DCDC1: variants seen among roughly 807,000 people sequenced by gnomAD.
DCDC1 encodes doublecortin domain-containing protein 1.
DCDC1 carries 200 observed loss-of-function variants against 178.3 expected under a neutral mutation model. The ratio of observed to expected loss-of-function variants is 1.12; its 90% confidence interval spans 1.00 to 1.26. The LOEUF (loss-of-function observed/expected upper bound fraction) is 1.26. DCDC1 is among the 50% of genes most tolerant of loss of function. The pLI is 0.00. For missense variants in DCDC1, 1,983 were observed against 1,749.2 expected (o/e 1.13, Z -2.38); for synonymous variants, 690 against 604.8 (o/e 1.14, Z -2.07).
chr11:31,111,647 A>T (rs1959177520), intron 11 of DCDC1, among the ~76,000 whole-genome samples: 1 of 152,172 alleles, frequency 6.6e-6, no homozygotes, highest in South Asian at 2.1e-4. Flanking sequence ...ACCTATGGAA[A>T]ATAATGTGGG....
In DCDC1 at chr11:31,290,724, C is replaced by A; in HGVS notation, c.883G>T (p.Val295Phe). 6 of 1,613,522 alleles carry A rather than the reference C, an allele frequency of 3.7e-6. No homozygotes were observed. The highest frequency in any genetic ancestry group is 5.1e-6 in the Non-Finnish European group (6 of 1,179,584). Reference sequence around the variant, plus strand: ...CCATTCTTAAAGAACAGAATTCGGACTGAGGTCCTCTCAGTAAGTTTCTTC... The same window carrying A: ...CCATTCTTAAAGAACAGAATTCGGAATGAGGTCCTCTCAGTAAGTTTCTTC... ...RMKKLTERTS[V>F]RILFFKNGMG... Residue 295 changes from valine (V) to phenylalanine (F), a missense_variant, in exon 7 of 39, where the codon GTC becomes TTC. Transcript: ENST00000684477.
At chr11:31,354,227 A>C (rs534938529) in intron 1 of DCDC1, among the ~76,000 whole-genome samples, 1 of 152,306 alleles carries the variant, frequency 6.6e-6, no homozygotes, top group Admixed American at 6.5e-5. Context: ...CGGAGGTTGC[A>C]GTGAGCCGAG....
intron 12 of DCDC1, 37 bp downstream of exon 12, chr11:31,110,223 A>T (rs757690998): frequency 7.4e-6 from 5 of 672,176 alleles, no homozygotes; most frequent in Non-Finnish European, 1.4e-5. Context: ...AACTTGCAAG[A>T]CACTTAAAGT....
At chr11:31,071,037 G>A (rs776448960) in intron 18 of DCDC1, among the ~76,000 whole-genome samples, 9 of 151,998 alleles carry the variant, frequency 5.9e-5, no homozygotes, top group Non-Finnish European at 5.9e-5. Context: ...AGTAAAAACC[G>A]AAGAAAATAA....
At chr11:30,869,767 A>C (rs1941359841) in intron 38 of DCDC1, among the ~76,000 whole-genome samples, 1 of 152,172 alleles carries the variant, frequency 6.6e-6, no homozygotes, top group South Asian at 2.1e-4. Flanking sequence ...CTGTGAACAA[A>C]GGGCTGAGAA....
chr11:31,002,940 G>A (rs1286190875), intron 20 of DCDC1, among the ~76,000 whole-genome samples: 1 of 151,972 alleles, frequency 6.6e-6, no homozygotes, highest in Admixed American at 6.6e-5. Context: ...CATTCAAAAG[G>A]CCATTAAGCT....
At chr11:31,019,536 A>G (rs952810334) in intron 20 of DCDC1, among the ~76,000 whole-genome samples, 1 of 152,214 alleles carries the variant, frequency 6.6e-6, no homozygotes, top group Admixed American at 6.5e-5. Flanking sequence ...GTTGCCAGCA[A>G]TGGCAAAAAT....
chr11:31,206,451 T>C (rs540729316), intron 9 of DCDC1, among the ~76,000 whole-genome samples: 2 of 152,354 alleles, frequency 1.3e-5, no homozygotes, highest in African/African-American at 2.4e-5. Context: ...TCTCGCACTG[T>C]TGCCCAGGCT....
intron 20 of DCDC1, among the ~76,000 whole-genome samples, chr11:31,002,121 C>T (rs1175835877): frequency 1.3e-5 from 2 of 152,126 alleles, no homozygotes; most frequent in Non-Finnish European, 2.9e-5. Flanking sequence ...TAGAATGTTA[C>T]TTTTAGAAGC....
At chr11:31,281,232 C>A in intron 7 of DCDC1, among the ~76,000 whole-genome samples, 1 of 151,934 alleles carries the variant, frequency 6.6e-6, no homozygotes, top group Non-Finnish European at 1.5e-5. Flanking sequence ...AATTTATACC[C>A]TTTTTACTAC....
At chr11:31,363,976 A>C (rs1171106012) in intron 1 of DCDC1, among the ~76,000 whole-genome samples, 3 of 152,128 alleles carry the variant, frequency 2.0e-5, no homozygotes, top group Non-Finnish European at 1.5e-5. Flanking sequence ...GGCTAGTGAT[A>C]GTTAGTAAAA....
intron 3 of DCDC1, among the ~76,000 whole-genome samples, chr11:31,326,596 C>T (rs1370422895): frequency 6.6e-6 from 1 of 152,056 alleles, no homozygotes; most frequent in African/African-American, 2.4e-5. Context: ...ATATAACACA[C>T]AGGGTATTCA....
intron 9 of DCDC1, among the ~76,000 whole-genome samples, chr11:31,169,953 T>G (rs1967000622): frequency 6.6e-6 from 1 of 152,150 alleles, no homozygotes; most frequent in African/African-American, 2.4e-5. Flanking sequence ...AGAAGGAAAA[T>G]GTGGGATGCA....
chr11:30,899,222 C>T (rs1279153158), intron 34 of DCDC1, among the ~76,000 whole-genome samples: 3 of 151,882 alleles, frequency 2.0e-5, no homozygotes, highest in Non-Finnish European at 2.9e-5. Context: ...GCCCACAAAA[C>T]GTCTGTTGAG....
At chr11:31,327,244 C>G (rs1437800190) in intron 3 of DCDC1, among the ~76,000 whole-genome samples, 2 of 152,160 alleles carry the variant, frequency 1.3e-5, no homozygotes, top group Non-Finnish European at 1.5e-5. Context: ...TCTTGGCTCA[C>G]CGCAACCTCC....
At chr11:31,166,547 T>TC (rs1299652075) in intron 9 of DCDC1, among the ~76,000 whole-genome samples, 1 of 152,114 alleles carries the variant, frequency 6.6e-6, no homozygotes, top group Non-Finnish European at 1.5e-5. Flanking sequence ...TGAAACAGCC[T>TC]CGCTATAGGA....
chr11:30,906,940 A>T (rs1945106233), intron 29 of DCDC1, among the ~76,000 whole-genome samples: 1 of 152,170 alleles, frequency 6.6e-6, no homozygotes, highest in Non-Finnish European at 1.5e-5. Context: ...TTCGACACCA[A>T]TGAATATAAA....
intron 20 of DCDC1, among the ~76,000 whole-genome samples, chr11:31,058,349 C>T (rs1022850020): frequency 6.6e-6 from 1 of 152,024 alleles, no homozygotes; most frequent in African/African-American, 2.4e-5. Flanking sequence ...CACCATGTAC[C>T]GGGTATGTTC....
intron 9 of DCDC1, among the ~76,000 whole-genome samples, chr11:31,148,364 T>C (rs1964710359): frequency 6.6e-6 from 1 of 151,744 alleles, no homozygotes; most frequent in South Asian, 2.1e-4. Flanking sequence ...CTGGGCAACA[T>C]GGCAAAACCC....
Sources: gnomAD v4.1 joint callset for allele counts (sites outside exome capture counted in the v4.1 genomes callset) on GRCh38, gnomAD v4.1.1 for gene constraint, MANE v1.5 for transcripts, NCBI Gene and HGNC (gene_info 2026-07-23, HGNC 2026-07-21) for gene names.